The following NOX4 variants were observed in gnomAD, a reference collection of about 807,000 sequenced individuals.
NOX4 encodes kidney oxidase-1.
Under a neutral mutation model 87.6 loss-of-function variants are expected in NOX4, and 69 were observed. The observed-to-expected ratio is 0.79, with a 90% confidence interval of 0.65 to 0.96. The LOEUF (loss-of-function observed/expected upper bound fraction) is 0.96, where lower values mean the gene tolerates loss of function less well. Ranked by LOEUF, NOX4 falls within the 40% of genes least tolerant of loss-of-function variation. The probability of loss-of-function intolerance (pLI) is 0.00; values close to 1 mark genes in which losing one functional copy is unlikely to be tolerated. For synonymous variants in NOX4, 275 were observed against 238.2 expected (o/e 1.15, Z -1.42); for missense variants, 680 against 681.5 (o/e 1.00, Z 0.02).
chr11:89,387,045 A>G (rs1446209307), intron 11 of NOX4, among the ~76,000 whole-genome samples: 1 of 152,040 alleles, frequency 6.6e-6, no homozygotes, highest in East Asian at 1.9e-4. Context: ...CTCCCACTCT[A>G]GATTCCCATG....
At chr11:89,516,747 G>A in the NOX4 span, among the ~76,000 whole-genome samples, 32 of 151,926 alleles carry the variant, frequency 2.1e-4, no homozygotes, top group Admixed American at 1.1e-3. Context: ...TTTCAATGCC[G>A]GATTTTTCCC....
chr11:89,486,295 A>G (rs1484051976), intron 2 of NOX4, among the ~76,000 whole-genome samples: 1 of 143,688 alleles, frequency 7.0e-6, no homozygotes, highest in African/African-American at 2.8e-5. Flanking sequence ...AAATAAATTT[A>G]TTTATTTAAA....
intron 11 of NOX4, among the ~76,000 whole-genome samples, chr11:89,395,903 G>A (rs1337495288): frequency 5.3e-5 from 8 of 152,248 alleles, no homozygotes; most frequent in Admixed American, 4.6e-4. Context: ...TTTGGTTACT[G>A]TAGCCTTGTA....
Position 89,362,623 on chromosome 11 carries a change from C to CGT in NOX4, c.1136-7582_1136-7581dup, listed in dbSNP as rs371721274. 2.0e-3 allele frequency among the ~76,000 whole-genome samples: 304 copies of CGT among 151,872 alleles called. 3 individuals are homozygous for CGT. Among genetic ancestry groups the CGT allele is most frequent in the African/African-American group, 7.0e-3 (292 of 41,438 alleles). ...GTAATCTATCAATCATCTATCTATACGTGTGTGTGTGTATATATAGATATA... is the reference window on the plus strand; with the variant it reads ...GTAATCTATCAATCATCTATCTATACGTGTGTGTGTGTGTATATATAGATATA... On this transcript the variant is annotated intron_variant, in intron 12 of 17. Coordinates refer to ENST00000263317, the MANE Select transcript of NOX4 (RefSeq NM_016931.5).
chr11:89,470,119 G>T (rs754261576), intron 2 of NOX4, among the ~76,000 whole-genome samples: 5 of 151,382 alleles, frequency 3.3e-5, no homozygotes, highest in Non-Finnish European at 7.4e-5. Context: ...TACCCCAAAG[G>T]GTTATTGTAT....
intron 12 of NOX4, among the ~76,000 whole-genome samples, chr11:89,356,427 G>A (rs1413130737): frequency 2.0e-5 from 2 of 100,796 alleles, no homozygotes; most frequent in South Asian, 5.6e-4. Flanking sequence ...AAGAGGAAGG[G>A]GGAAAAAAAA....
Position 89,408,446 on chromosome 11 carries a change from T to C in NOX4, c.630-5904A>G, listed in dbSNP as rs187803246. 1.3e-3 allele frequency among the ~76,000 whole-genome samples: 196 copies of C among 152,294 alleles called. 2 individuals carry two copies. Among genetic ancestry groups the C allele is most frequent in the African/African-American group, 4.4e-3 (183 of 41,572 alleles). ...AGTAACATTAAGTAACAGACAGTTA[T>C]CAAGAGAGTAAAGTCTACTTGCTAG... On this transcript the variant is annotated intron_variant, in intron 8 of 17. Transcript: ENST00000263317.
intron 11 of NOX4, among the ~76,000 whole-genome samples, chr11:89,378,574 C>T (rs759796467): frequency 1.3e-5 from 2 of 151,830 alleles, no homozygotes; most frequent in African/African-American, 4.8e-5. Flanking sequence ...TTCCACAGCA[C>T]CTTACACATA....
In NOX4 at chr11:89,451,907, AG is replaced by A. The variant is rs1166599581; in HGVS notation, c.154-13del. The A allele has an allele frequency of 3.8e-6, 6 of 1,571,318 alleles. No individual in the cohort carries two copies. The highest frequency in any genetic ancestry group is 5.3e-6 in the Non-Finnish European group (6 of 1,141,456). On this transcript the variant is annotated splice_polypyrimidine_tract_variant and intron_variant, in intron 2 of 17. Transcript: ENST00000263317. Reference sequence around the variant, plus strand: ...AGACACAATCCTAGCTGAACAAATAAGGCAAGGTCAGCACACAGTTAAGGAC... The same window carrying A: ...AGACACAATCCTAGCTGAACAAATAAGCAAGGTCAGCACACAGTTAAGGAC...
chr11:89,477,887 T>C (rs1023485890), intron 2 of NOX4, among the ~76,000 whole-genome samples: 1 of 152,162 alleles, frequency 6.6e-6, no homozygotes, highest in African/African-American at 2.4e-5. Flanking sequence ...AAGAAAATAA[T>C]ATATACTGTC....
chr11:89,538,074 G>A, the NOX4 span, among the ~76,000 whole-genome samples: 1 of 152,030 alleles, frequency 6.6e-6, no homozygotes, highest in Non-Finnish European at 1.5e-5. Flanking sequence ...CTGGTGTCTT[G>A]TTTTGTTTTA....
chr11:89,574,495 T>C, the NOX4 span, among the ~76,000 whole-genome samples: 8 of 152,220 alleles, frequency 5.3e-5, no homozygotes, highest in Non-Finnish European at 1.5e-5. Flanking sequence ...AGTTATAAGA[T>C]GACATAAGGA....
intron 8 of NOX4, among the ~76,000 whole-genome samples, chr11:89,404,846 A>G (rs1218671397): frequency 6.6e-6 from 1 of 152,102 alleles, no homozygotes; most frequent in Non-Finnish European, 1.5e-5. Context: ...TAGAACATCT[A>G]TTTCTCATTT....
chr11:89,491,959 G>T (rs867989895), upstream of NOX4, among the ~76,000 whole-genome samples: 7 of 152,010 alleles, frequency 4.6e-5, no homozygotes, highest in Non-Finnish European at 7.4e-5. Flanking sequence ...CCCACCAGCC[G>T]CCAGTTTCTT....
chr11:89,555,042 C>T, the NOX4 span, among the ~76,000 whole-genome samples: 1 of 151,992 alleles, frequency 6.6e-6, no homozygotes, highest in Admixed American at 6.6e-5. Context: ...ATGGCATGTA[C>T]ATGATTTTAG....
At chr11:89,532,982 C>T in the NOX4 span, among the ~76,000 whole-genome samples, 55 of 152,210 alleles carry the variant, frequency 3.6e-4, no homozygotes, top group African/African-American at 1.2e-3. Context: ...CCCAGACATG[C>T]GGATCAGTGA....
At chr11:89,483,870 T>C (rs1334226971) in intron 2 of NOX4, among the ~76,000 whole-genome samples, 1 of 152,118 alleles carries the variant, frequency 6.6e-6, no homozygotes, top group Admixed American at 6.5e-5. Flanking sequence ...ATAAATACAA[T>C]TGGCATTTGT....
At chr11:89,466,044 T>G (rs550142475) in intron 2 of NOX4, among the ~76,000 whole-genome samples, 1 of 152,182 alleles carries the variant, frequency 6.6e-6, no homozygotes, top group South Asian at 2.1e-4. Context: ...CTCACCAGGT[T>G]AGGATACAGC....
At chr11:89,559,231 T>A in the NOX4 span, among the ~76,000 whole-genome samples, 17 of 152,164 alleles carry the variant, frequency 1.1e-4, no homozygotes, top group South Asian at 8.3e-4. Context: ...AATAAATGCA[T>A]GTATAACTGC....
Sources: allele counts gnomAD v4.1 joint callset (sites outside exome capture counted in the v4.1 genomes callset), GRCh38; gene constraint gnomAD v4.1.1; transcripts MANE v1.5; gene names NCBI Gene and HGNC (gene_info 2026-07-23, HGNC 2026-07-21).